The following INPP5F variants were observed in gnomAD, a reference collection of about 807,000 sequenced individuals.
The protein encoded by INPP5F is phosphatidylinositide 4-phosphatase SAC2.
INPP5F carries 97 observed loss-of-function variants against 137.2 expected under a neutral mutation model. The ratio of observed to expected loss-of-function variants is 0.71; its 90% confidence interval spans 0.60 to 0.84. INPP5F has a LOEUF of 0.84. Ranked by LOEUF, INPP5F falls within the 40% of genes least tolerant of loss-of-function variation. INPP5F has a pLI of 0.00. For missense variants in INPP5F, 1,271 were observed against 1,371.9 expected, an observed-to-expected ratio of 0.93 and a Z score of 1.16; for synonymous variants, 504 against 476.9, an observed-to-expected ratio of 1.06 and a Z score of -0.74.
chr10:119,819,500 T>C (rs1009046797), intron 15 of INPP5F: 3 of 1,605,364 alleles, frequency 1.9e-6, no homozygotes, highest in Admixed American at 1.7e-5. Context: ...CATGACGTAA[T>C]TTTTATGGCT....
chr10:119,759,200 T>A (rs1166150972), intron 2 of INPP5F, among the ~76,000 whole-genome samples: 2 of 152,210 alleles, frequency 1.3e-5, no homozygotes, highest in African/African-American at 4.8e-5. Context: ...TTGTATTTTT[T>A]AATAGAGACA....
intron 2 of INPP5F, among the ~76,000 whole-genome samples, chr10:119,771,893 T>G (rs71500895): frequency 3.5e-5 from 2 of 56,528 alleles, no homozygotes; most frequent in African/African-American, 1.3e-4. Flanking sequence ...TTTTTTTTTT[T>G]TTTTTTTTTT....
At chr10:119,726,576 A>G (rs1847898496) in intron 1 of INPP5F, among the ~76,000 whole-genome samples, 1 of 152,130 alleles carries the variant, frequency 6.6e-6, no homozygotes. Flanking sequence ...TGCGGAGCAG[A>G]AGGGGCTGGC....
intron 6 of INPP5F, among the ~76,000 whole-genome samples, chr10:119,794,772 G>A (rs1171119619): frequency 2.2e-5 from 3 of 137,160 alleles, no homozygotes; most frequent in Non-Finnish European, 4.9e-5. Context: ...CCTCCCGGAC[G>A]GGGCGGCTGG....
In INPP5F at chr10:119,804,153, C is replaced by T; in HGVS notation, c.1117-20C>T. The stretch of plus-strand genomic sequence containing the variant: ...ATTCTAAAATCTAACTAAATTTTTT[C>T]TGTTTCTTTGCTCTTATAGGTTATT... On this transcript the variant is annotated intron_variant, in intron 9 of 19. Coordinates refer to ENST00000650623, the MANE Select transcript of INPP5F (RefSeq NM_014937.4). 6.5e-7 allele frequency: 1 copy of T among 1,548,194 alleles called. No individual in the cohort carries two copies. Among genetic ancestry groups the T allele is most frequent in the Admixed American group, 2.1e-5 (1 of 48,648 alleles).
intron 15 of INPP5F, chr10:119,819,382 T>C: frequency 7.2e-7 from 1 of 1,386,122 alleles, no homozygotes; most frequent in Non-Finnish European, 9.4e-7. Flanking sequence ...CATAATGTTT[T>C]TGACTGGGGA....
chr10:119,794,068 G>A (rs1218135972), intron 6 of INPP5F, among the ~76,000 whole-genome samples: 1 of 151,938 alleles, frequency 6.6e-6, no homozygotes, highest in African/African-American at 2.4e-5. Flanking sequence ...TCTCGCAGAG[G>A]GGGATTTGGC....
intron 15 of INPP5F, among the ~76,000 whole-genome samples, chr10:119,813,158 G>C (rs536661473): frequency 6.6e-6 from 1 of 152,292 alleles, no homozygotes; most frequent in East Asian, 1.9e-4. Context: ...CATTACACTT[G>C]ATGATTTGAT....
At chr10:119,810,041 T>G in intron 13 of INPP5F, 59 bp from the exon 14 acceptor site, 1 of 945,602 alleles carries the variant, frequency 1.1e-6, no homozygotes, top group Middle Eastern at 2.1e-4. Flanking sequence ...AGCCCACAAT[T>G]TATTTTGGGG....
rs879697654 is a variant in INPP5F at position 119,807,942 on chromosome 10, T to G, written c.1451T>G (p.Leu484Ter). 2.5e-6 allele frequency: 4 copies of G among 1,609,872 alleles called. No homozygotes were observed. Among genetic ancestry groups the G allele is most frequent in the Non-Finnish European group, 3.4e-6 (4 of 1,178,500 alleles). Residue 484 changes from leucine to a stop codon, truncating the protein, a stop_gained, in exon 13 of 20, where the codon TTA (leucine) becomes TGA (stop). Transcript: ENST00000650623. LOFTEE classifies it high-confidence loss of function. ...ATGTGTTCATTTTAGCTGAAAAAAT[T>G]AGGTGTGATGCCCCCGGAACAGCCA... is the stretch of plus-strand genomic sequence containing the variant. Reference protein sequence around the residue: ...RVVMEQQLKKLGVMPPEQPLP... With the variant: ...RVVMEQQLKK
At position 119,726,379 on chromosome 10, in the gene INPP5F, C is replaced by CG. The variant is rs1316157349; in HGVS notation, c.97+26dup. The CG allele has an allele frequency of 1.0e-5, 13 of 1,271,346 alleles. No homozygotes were observed. Among genetic ancestry groups the CG allele is most frequent in the East Asian group, 3.5e-5 (1 of 28,574 alleles). 78.8% of individuals were successfully genotyped at this position (1,271,346 alleles called of 1,614,324 possible). A position where few individuals can be genotyped will look rare whatever the true frequency, so the allele number is the denominator to read the frequency against. On this transcript the variant is annotated intron_variant, in intron 1 of 19. Transcript: ENST00000650623. Reference sequence around the variant, plus strand: ...GACCCGGTGAGGCTGGCGGTGCGGGCGGGGGGCACCCCGGGCCAGGGCGGG... The same window carrying CG: ...GACCCGGTGAGGCTGGCGGTGCGGGCGGGGGGGCACCCCGGGCCAGGGCGGG...
Position 119,821,711 on chromosome 10 carries a change from T to C in INPP5F, c.1959-720T>C, listed in dbSNP as rs200673058. ...TCTGTCTTTCTCCCTCCTCTCTCTCTCTCCCTCCCTTCATCTCTGCCTCCC... is the reference window on the plus strand; with the variant it reads ...TCTGTCTTTCTCCCTCCTCTCTCTCCCTCCCTCCCTTCATCTCTGCCTCCC... On this transcript the variant is annotated intron_variant, in intron 16 of 19. Coordinates refer to ENST00000650623, the MANE Select transcript of INPP5F (RefSeq NM_014937.4). Among the ~76,000 whole-genome samples, 11 of 148,372 alleles carry C rather than the reference T, an allele frequency of 7.4e-5. No homozygotes were observed. The East Asian group carries it at 1.9e-3, about 26-fold the overall frequency.
At chr10:119,800,547 T>A (rs112387123) in intron 9 of INPP5F, among the ~76,000 whole-genome samples, 1,838 of 146,000 alleles carry the variant, frequency 0.013, 57 homozygotes, top group African/African-American at 0.044. Context: ...CAGAGTGAGA[T>A]TCCATCTCAA....
At position 119,827,479 on chromosome 10, in the gene INPP5F, C is replaced by T. The variant is rs200878220; in HGVS notation, c.3098C>T (p.Ser1033Leu). 148 of 1,614,192 alleles carry T rather than the reference C, an allele frequency of 9.2e-5. No individual in the cohort carries two copies. The Admixed American group carries it at 1.1e-3, about 12-fold the overall frequency. ...PQFLSVEPAH[S>L]VASQKTPTSA... is the part of the protein sequence containing the mutation. ...TTTTTGTCAGTTGAGCCAGCGCATT[C>T]AGTTGCATCTCAAAAAACCCCCACC... is the stretch of plus-strand genomic sequence containing the variant. The change falls in exon 20 of 20, where the codon TCA becomes TTA. Residue 1033 changes from serine to leucine, a missense_variant. By Grantham distance (145) the Ser-to-Leu change is moderately radical. Around this residue, in one of 6 missense-constraint regions of INPP5F, gnomAD observed 490 missense variants for 443.7 expected, o/e 1.10. Coordinates refer to ENST00000650623, the MANE Select transcript of INPP5F (RefSeq NM_014937.4).
chr10:119,827,356 C>G lies in INPP5F; in HGVS notation c.2975C>G (p.Thr992Ser), dbSNP rs1554897897. The G allele has an allele frequency of 8.1e-6, 13 of 1,614,074 alleles. No homozygotes were observed. The highest frequency in any genetic ancestry group is 1.6e-4 in the Middle Eastern group (1 of 6,084). The change falls in exon 20 of 20, where the codon ACC becomes AGC. Residue 992 changes from threonine to serine, a missense_variant. Transcript: ENST00000650623. The stretch of plus-strand genomic sequence containing the variant: ...GCTAGTCAGGAAAGAAATCAAATGA[C>G]CAATCAAGTTTCAAATGAAACCCAA... ...QQASQERNQM[T>S]NQVSNETQSE...
intron 1 of INPP5F, among the ~76,000 whole-genome samples, chr10:119,729,017 C>T (rs962578990): frequency 1.3e-5 from 2 of 152,176 alleles, no homozygotes; most frequent in East Asian, 1.9e-4. Flanking sequence ...ACAGAGAAGG[C>T]GTTTTTGTTT....
chr10:119,759,104 G>A (rs980639724), intron 2 of INPP5F, among the ~76,000 whole-genome samples: 4 of 152,198 alleles, frequency 2.6e-5, no homozygotes, highest in Admixed American at 6.5e-5. Context: ...GCTGGGTCAT[G>A]GGACAAGCCT....
intron 1 of INPP5F, among the ~76,000 whole-genome samples, chr10:119,744,263 T>C (rs780180596): frequency 5.9e-5 from 9 of 152,146 alleles, no homozygotes; most frequent in Non-Finnish European, 7.3e-5. Context: ...CACTTGCAAA[T>C]TGACTTGTCA....
At chr10:119,785,286 G>GTTGTTTTTTTTTTTTT (rs770290302) in intron 3 of INPP5F, among the ~76,000 whole-genome samples, 51 of 106,228 alleles carry the variant, frequency 4.8e-4, no homozygotes, top group African/African-American at 1.9e-3. Flanking sequence ...CTGCCAGACT[G>GTTGTTTTTTTTTTTTT]TTTTTTTTTT....
Sources: gnomAD v4.1 joint callset for allele counts (sites outside exome capture counted in the v4.1 genomes callset) on GRCh38, gnomAD v4.1.1 for gene constraint, gnomAD v4.1.1 regional missense constraint, MANE v1.5 for transcripts, NCBI Gene and HGNC (gene_info 2026-07-23, HGNC 2026-07-21) for gene names.